Variants in ROBO1 observed in about 807,000 individuals in gnomAD.
The protein encoded by ROBO1 is roundabout homolog 1.
In ROBO1, 149 loss-of-function variants were observed where a neutral mutation model predicts 195.9. The ratio of observed to expected loss-of-function variants is 0.76; its 90% confidence interval spans 0.67 to 0.87. The LOEUF is 0.87. Ranked by LOEUF, ROBO1 falls within the 40% of genes least tolerant of loss-of-function variation. The probability of loss-of-function intolerance (pLI) is 0.00; values close to 1 mark genes in which losing one functional copy is unlikely to be tolerated. For missense variants in ROBO1, 1,933 were observed against 2,068.3 expected, an observed-to-expected ratio of 0.93 and a Z score of 1.27; for synonymous variants, 816 against 733.2, an observed-to-expected ratio of 1.11 and a Z score of -1.82.
At chr3:79,019,358 G>A in intron 3 of ROBO1, 2 of 985,828 alleles carry the variant, frequency 2.0e-6, no homozygotes, top group South Asian at 9.4e-5. Flanking sequence ...AGAGGATGCT[G>A]CTGCGGGTGG....
intron 4 of ROBO1, among the ~76,000 whole-genome samples, chr3:78,820,229 C>T (rs2030741854): frequency 6.6e-6 from 1 of 152,156 alleles, no homozygotes; most frequent in Non-Finnish European, 1.5e-5. Context: ...TTATATTTTG[C>T]ACTGTTGTTT....
chr3:79,208,524 T>A (rs1231864188), intron 2 of ROBO1, among the ~76,000 whole-genome samples: 1 of 152,092 alleles, frequency 6.6e-6, no homozygotes, highest in Non-Finnish European at 1.5e-5. Context: ...ATAAGAAGGA[T>A]TTCCACAGAC....
intron 3 of ROBO1, among the ~76,000 whole-genome samples, chr3:78,993,734 C>A (rs1157274304): frequency 1.3e-5 from 2 of 152,082 alleles, no homozygotes; most frequent in African/African-American, 4.8e-5. Context: ...ATTGTTAATT[C>A]CTATGAGGCT....
At chr3:78,642,364 C>T (rs552973861) in intron 21 of ROBO1, among the ~76,000 whole-genome samples, 43 of 152,258 alleles carry the variant, frequency 2.8e-4, no homozygotes, top group African/African-American at 8.7e-4. Flanking sequence ...CCAGGAGCTG[C>T]GGAAATGGTG....
intron 1 of ROBO1, among the ~76,000 whole-genome samples, chr3:79,710,928 G>A (rs1702250285): frequency 6.6e-6 from 1 of 152,084 alleles, no homozygotes; most frequent in Non-Finnish European, 1.5e-5. Flanking sequence ...CAGGCCCAGT[G>A]TATAAAGGAT....
intron 2 of ROBO1, among the ~76,000 whole-genome samples, chr3:79,566,957 T>A (rs1319479835): frequency 6.6e-6 from 1 of 152,118 alleles, no homozygotes; most frequent in Non-Finnish European, 1.5e-5. Context: ...TGCACGTGTA[T>A]GTTCAGTGCA....
intron 1 of ROBO1, among the ~76,000 whole-genome samples, chr3:79,610,411 C>T (rs1944622111): frequency 6.6e-6 from 1 of 151,862 alleles, no homozygotes; most frequent in Admixed American, 6.6e-5. Flanking sequence ...TCTTATTGTA[C>T]TGTTCCGGGG....
At chr3:79,722,362 A>T (rs962661005) in intron 1 of ROBO1, among the ~76,000 whole-genome samples, 1 of 152,168 alleles carries the variant, frequency 6.6e-6, no homozygotes, top group Non-Finnish European at 1.5e-5. Flanking sequence ...ATTGTGTTCC[A>T]TTTTCACTTG....
chr3:78,717,327 G>A lies in ROBO1; in HGVS notation c.865C>T (p.Pro289Ser). 7 of 1,611,180 alleles carry A rather than the reference G, an allele frequency of 4.3e-6. No homozygotes were observed. The highest frequency in any genetic ancestry group is 5.9e-6 in the Non-Finnish European group (7 of 1,178,784). ...AEFKCEARGD[P>S]VPTVRWRKDD... ...TTCCTCCATCGTACTGTAGGTACAGGGTCACCTCGGGCCTCACATTTAAAT... is the reference window on the plus strand; with the variant it reads ...TTCCTCCATCGTACTGTAGGTACAGAGTCACCTCGGGCCTCACATTTAAAT... Residue 289 changes from proline (P) to serine (S), a missense_variant, in exon 7 of 31, where the codon CCT becomes TCT. Physicochemically the swap from Pro to Ser is moderately conservative, Grantham distance 74 (BLOSUM62 -1). Transcript: ENST00000464233.
chr3:78,692,052 A>T (rs1255818469), intron 8 of ROBO1, among the ~76,000 whole-genome samples: 1 of 151,354 alleles, frequency 6.6e-6, no homozygotes, highest in African/African-American at 2.4e-5. Context: ...TATATAATAC[A>T]TAATAAAGTA....
In ROBO1 at chr3:78,714,461, T is replaced by G. The variant is rs2081848235; in HGVS notation, c.981A>C (p.Ser327=). 6 of 1,613,214 alleles carry G rather than the reference T, an allele frequency of 3.7e-6. No homozygotes were observed. Among genetic ancestry groups the G allele is most frequent in the Non-Finnish European group, 4.2e-6 (5 of 1,179,542 alleles). The change falls in exon 8 of 31, where the codon TCA becomes TCC. Residue 327 remains serine, a synonymous_variant. Coordinates refer to ENST00000464233, the MANE Select transcript of ROBO1 (RefSeq NM_002941.4). ...CCATATTTTCTGCAACACAAGTGTA[T>G]GAACCCATGTCACCAGCTGTCACCT... is the stretch of plus-strand genomic sequence containing the variant. The part of the protein sequence containing the change: ...IRKVTAGDMG[S]YTCVAENMVG...
chr3:79,239,715 C>G (rs1195481616), intron 2 of ROBO1, among the ~76,000 whole-genome samples: 1 of 152,072 alleles, frequency 6.6e-6, no homozygotes, highest in African/African-American at 2.4e-5. Context: ...TGATAAGTAT[C>G]AATACATTGC....
At chr3:79,008,574 C>CAT (rs1197542674) in intron 3 of ROBO1, among the ~76,000 whole-genome samples, 1 of 150,878 alleles carries the variant, frequency 6.6e-6, no homozygotes, top group East Asian at 1.9e-4. Flanking sequence ...TACATATATA[C>CAT]ATATATATAT....
chr3:79,664,788 T>G (rs1946428435), intron 1 of ROBO1, among the ~76,000 whole-genome samples: 1 of 151,902 alleles, frequency 6.6e-6, no homozygotes, highest in Non-Finnish European at 1.5e-5. Context: ...AAATTTTCCG[T>G]GGAAGTGAAA....
chr3:79,082,927 T>G (rs982037779), intron 3 of ROBO1, among the ~76,000 whole-genome samples: 11 of 152,174 alleles, frequency 7.2e-5, no homozygotes, highest in African/African-American at 2.4e-4. Context: ...TTATCTCAGA[T>G]AGTATATTGA....
At chr3:78,979,401 G>A (rs1383572018) in intron 3 of ROBO1, among the ~76,000 whole-genome samples, 5 of 152,124 alleles carry the variant, frequency 3.3e-5, no homozygotes, top group Non-Finnish European at 7.3e-5. Context: ...ACACTAATAA[G>A]GCAACAAAAG....
At chr3:78,682,827 A>G (rs2080958669) in intron 10 of ROBO1, among the ~76,000 whole-genome samples, 1 of 150,638 alleles carries the variant, frequency 6.6e-6, no homozygotes, top group Admixed American at 6.6e-5. Flanking sequence ...TGTACAGTTG[A>G]CTTTTTTATA....
Position 78,935,809 on chromosome 3 carries a change from C to T in ROBO1, c.499+2792G>A, listed in dbSNP as rs116072043. ...AATAAATTTTAAAATCACATTTGTG[C>T]ATAAAAATTGTTTTCTTTTATAAAA... On this transcript the variant is annotated intron_variant, in intron 4 of 30. Transcript: ENST00000464233. Among the ~76,000 whole-genome samples, 1,014 of 152,040 alleles carry T rather than the reference C, an allele frequency of 6.7e-3. 14 individuals are homozygous for T. The highest frequency in any genetic ancestry group is 0.023 in the African/African-American group (966 of 41,534).
chr3:79,665,578 C>CA (rs1259307711), intron 1 of ROBO1, among the ~76,000 whole-genome samples: 7 of 151,032 alleles, frequency 4.6e-5, no homozygotes, highest in Non-Finnish European at 7.4e-5. Flanking sequence ...GTAAATCAGT[C>CA]AAAAAAAACA....
Sources: allele counts gnomAD v4.1 joint callset (sites outside exome capture counted in the v4.1 genomes callset), GRCh38; gene constraint gnomAD v4.1.1; transcripts MANE v1.5; gene names NCBI Gene and HGNC (gene_info 2026-07-23, HGNC 2026-07-21).